The following PLCB1 variants were observed in gnomAD, a reference collection of about 807,000 sequenced individuals.
PLCB1 encodes 1-phosphatidylinositol 4,5-bisphosphate phosphodiesterase beta-1.
In PLCB1, 46 loss-of-function variants were observed where a neutral mutation model predicts 161.8. The observed-to-expected ratio is 0.28, with a 90% CI of 0.22 to 0.36. The LOEUF (loss-of-function observed/expected upper bound fraction) is 0.36, where lower values mean the gene tolerates loss of function less well. Among genes scored for constraint, PLCB1 ranks in the 10% least tolerant of loss-of-function variants. PLCB1 has a pLI of 1.00. For synonymous variants in PLCB1, 517 were observed against 503.7 expected (o/e 1.03, Z -0.35); for missense variants, 1,016 against 1,472.5 (o/e 0.69, Z 5.07).
chr20:8,808,122 G>C (rs541412513), intron 31 of PLCB1, among the ~76,000 whole-genome samples: 1 of 152,254 alleles, frequency 6.6e-6, no homozygotes, highest in Admixed American at 6.5e-5. Flanking sequence ...GCATCTTGTG[G>C]AACTGTATGT....
intron 2 of PLCB1, among the ~76,000 whole-genome samples, chr20:8,228,950 C>G (rs967900153): frequency 6.6e-6 from 1 of 152,016 alleles, no homozygotes; most frequent in Non-Finnish European, 1.5e-5. Flanking sequence ...TTTTTGACTG[C>G]AGTCATCCTA....
In PLCB1 at chr20:8,324,247, C is replaced by T. The variant is rs554330271; in HGVS notation, c.178-47135C>T. 1.0e-4 allele frequency among the ~76,000 whole-genome samples: 15 copies of T among 146,666 alleles called. 1 individual carries two copies. The highest frequency in any genetic ancestry group is 8.6e-4 in the South Asian group (4 of 4,666). The stretch of plus-strand genomic sequence containing the variant: ...GTGTGTGTGTGTGTGTGTGAAACTA[C>T]GTGACAAGGATTATTTACACACCAT... On this transcript the variant is annotated intron_variant, in intron 2 of 31. Coordinates refer to ENST00000338037, the MANE Select transcript of PLCB1 (RefSeq NM_015192.4).
At chr20:8,524,850 G>C (rs571258396) in intron 3 of PLCB1, among the ~76,000 whole-genome samples, 54 of 152,226 alleles carry the variant, frequency 3.5e-4, no homozygotes, top group African/African-American at 1.1e-3. Context: ...ATTTTCCCCA[G>C]AAATAGTTTT....
intron 2 of PLCB1, among the ~76,000 whole-genome samples, chr20:8,355,438 T>A (rs1479186492): frequency 6.6e-6 from 1 of 152,136 alleles, no homozygotes; most frequent in African/African-American, 2.4e-5. Flanking sequence ...ATCTAACAGC[T>A]CCAGTATCTC....
intron 3 of PLCB1, among the ~76,000 whole-genome samples, chr20:8,413,691 C>G (rs1979143942): frequency 6.6e-6 from 1 of 152,180 alleles, no homozygotes; most frequent in Non-Finnish European, 1.5e-5. Flanking sequence ...CAATAGACAA[C>G]TAAATTCTAG....
At chr20:8,530,163 G>T (rs1984746489) in intron 3 of PLCB1, among the ~76,000 whole-genome samples, 1 of 152,084 alleles carries the variant, frequency 6.6e-6, no homozygotes, top group Admixed American at 6.6e-5. Context: ...ATCTTTTCAA[G>T]TGTTCTGCAC....
chr20:8,763,592 G>A (rs1401557214), intron 25 of PLCB1, among the ~76,000 whole-genome samples: 1 of 151,942 alleles, frequency 6.6e-6, no homozygotes, highest in East Asian at 2.0e-4. Context: ...TTGCCATGTT[G>A]GCCAGGCTGG....
intron 2 of PLCB1, among the ~76,000 whole-genome samples, chr20:8,351,531 G>T (rs1363332309): frequency 1.3e-5 from 2 of 151,910 alleles, no homozygotes; most frequent in Non-Finnish European, 2.9e-5. Flanking sequence ...GCAGAAGACA[G>T]TATTAAAAGA....
At chr20:8,732,517 T>C (rs1252180347) in intron 18 of PLCB1, among the ~76,000 whole-genome samples, 1 of 147,394 alleles carries the variant, frequency 6.8e-6, no homozygotes, top group African/African-American at 2.6e-5. Flanking sequence ...TTAAATACAT[T>C]ATATTCTAAT....
At chr20:8,189,804 C>T (rs1314273488) in intron 2 of PLCB1, among the ~76,000 whole-genome samples, 1 of 152,030 alleles carries the variant, frequency 6.6e-6, no homozygotes, top group East Asian at 1.9e-4. Context: ...TAAGAACTGA[C>T]AACTTTCCAT....
At chr20:8,313,277 C>T (rs1349295696) in intron 2 of PLCB1, among the ~76,000 whole-genome samples, 1 of 152,078 alleles carries the variant, frequency 6.6e-6, no homozygotes, top group Admixed American at 6.6e-5. Context: ...GCTGGCAGTT[C>T]TTCTGGTTCT....
intron 4 of PLCB1, among the ~76,000 whole-genome samples, chr20:8,645,621 G>A (rs1989148425): frequency 6.6e-6 from 1 of 152,146 alleles, no homozygotes; most frequent in Non-Finnish European, 1.5e-5. Context: ...CATATTATGT[G>A]GCCTTGTGAC....
chr20:8,138,101 G>A (rs934066913), intron 1 of PLCB1, among the ~76,000 whole-genome samples: 1 of 152,206 alleles, frequency 6.6e-6, no homozygotes, highest in Non-Finnish European at 1.5e-5. Context: ...TGGCAAAGCT[G>A]ACTAGTACAG....
intron 3 of PLCB1, among the ~76,000 whole-genome samples, chr20:8,546,622 A>T (rs1157932311): frequency 6.6e-6 from 1 of 152,084 alleles, no homozygotes; most frequent in African/African-American, 2.4e-5. Context: ...CTATAAACAG[A>T]CCTTGCTGCA....
intron 31 of PLCB1, among the ~76,000 whole-genome samples, chr20:8,821,697 A>G (rs924036853): frequency 9.9e-5 from 15 of 151,792 alleles, no homozygotes; most frequent in African/African-American, 3.6e-4. Flanking sequence ...GATTAACAGT[A>G]ATTACATATA....
intron 9 of PLCB1, among the ~76,000 whole-genome samples, chr20:8,671,588 T>A (rs1280239074): frequency 1.3e-5 from 2 of 152,216 alleles, no homozygotes; most frequent in Non-Finnish European, 2.9e-5. Context: ...GAGCTCAGCT[T>A]CTTTACACAG....
intron 3 of PLCB1, among the ~76,000 whole-genome samples, chr20:8,400,283 G>A (rs1978491967): frequency 1.3e-5 from 2 of 152,032 alleles, no homozygotes; most frequent in Admixed American, 1.3e-4. Flanking sequence ...GTCACAGGTG[G>A]CAACTGTCTG....
intron 2 of PLCB1, among the ~76,000 whole-genome samples, chr20:8,298,653 T>A (rs569937974): frequency 2.0e-5 from 3 of 152,130 alleles, no homozygotes; most frequent in African/African-American, 7.2e-5. Context: ...TTCATCTGAA[T>A]ATTTAAATCT....
At chr20:8,856,172 T>C (rs1443779650) in intron 31 of PLCB1, among the ~76,000 whole-genome samples, 3 of 152,174 alleles carry the variant, frequency 2.0e-5, no homozygotes, top group South Asian at 2.1e-4. Context: ...GTTATAGATA[T>C]ACATGTGCAT....
Sources: allele counts gnomAD v4.1 joint callset (sites outside exome capture counted in the v4.1 genomes callset), GRCh38; gene constraint gnomAD v4.1.1; transcripts MANE v1.5; gene names NCBI Gene and HGNC (gene_info 2026-07-23, HGNC 2026-07-21).